The following ULK4 variants were observed in gnomAD, a reference collection of about 807,000 sequenced individuals.
ULK4 encodes the protein inactive serine/threonine-protein kinase ULK4.
A neutral mutation model predicts 160.6 loss-of-function variants in ULK4; 133 were observed. That is an observed-to-expected ratio of 0.83 (90% CI 0.72 to 0.96). The LOEUF is 0.96. Ranked by LOEUF, ULK4 falls within the 40% of genes least tolerant of loss-of-function variation. ULK4 has a pLI of 0.00. For synonymous variants in ULK4, 534 were observed against 539.8 expected, an observed-to-expected ratio of 0.99 and a Z score of 0.15; for missense variants, 1,580 against 1,499.5, an observed-to-expected ratio of 1.05 and a Z score of -0.89.
intron 17 of ULK4, 37 bp downstream of exon 17, chr3:41,883,837 T>C: frequency 6.6e-7 from 1 of 1,522,038 alleles, no homozygotes; most frequent in Non-Finnish European, 9.1e-7. Context: ...ACAGTATTTC[T>C]TGACATTCAT....
intron 17 of ULK4, among the ~76,000 whole-genome samples, chr3:41,850,480 C>A (rs2042182648): frequency 6.6e-6 from 1 of 151,654 alleles, no homozygotes; most frequent in Non-Finnish European, 1.5e-5. Flanking sequence ...CCTGTTGTTT[C>A]CTGACTTTTT....
intron 35 of ULK4, among the ~76,000 whole-genome samples, chr3:41,288,635 A>C (rs981836553): frequency 2.0e-5 from 3 of 152,192 alleles, no homozygotes; most frequent in African/African-American, 7.2e-5. Context: ...TTCTTCTAGG[A>C]AATACAATTT....
intron 17 of ULK4, chr3:41,854,880 T>TAAGATTTGG (rs1167283217): frequency 8.1e-5 from 12 of 148,392 alleles, no homozygotes; most frequent in African/African-American, 2.7e-4. Context: ...CTAGATCAGG[T>TAAGATTTGG]GCTACCTGGA....
intron 34 of ULK4, among the ~76,000 whole-genome samples, chr3:41,431,710 A>G (rs1440715202): frequency 6.6e-6 from 1 of 151,132 alleles, no homozygotes; most frequent in Non-Finnish European, 1.5e-5. Context: ...ACAGCCTCAT[A>G]TCGAATGTCA....
chr3:41,828,122 A>T (rs2041433710), intron 18 of ULK4, among the ~76,000 whole-genome samples: 1 of 146,846 alleles, frequency 6.8e-6, no homozygotes, highest in African/African-American at 2.5e-5. Context: ...AAAACTCTCA[A>T]AAATTAGGTA....
intron 30 of ULK4, among the ~76,000 whole-genome samples, chr3:41,642,783 T>G (rs2034282707): frequency 6.6e-6 from 1 of 152,254 alleles, no homozygotes; most frequent in South Asian, 2.1e-4. Context: ...CCACAATGGT[T>G]GAACTGGTTT....
At chr3:41,346,793 GCT>G (rs2080810116) in intron 35 of ULK4, among the ~76,000 whole-genome samples, 1 of 152,112 alleles carries the variant, frequency 6.6e-6, no homozygotes, top group Non-Finnish European at 1.5e-5. Context: ...CTATCTTTGA[GCT>G]CTCTTTTTCT....
At chr3:41,506,102 A>C (rs1221640367) in intron 32 of ULK4, among the ~76,000 whole-genome samples, 2 of 152,234 alleles carry the variant, frequency 1.3e-5, no homozygotes, top group Non-Finnish European at 2.9e-5. Context: ...TCTTTCACAT[A>C]AACAGTGCTT....
At chr3:41,259,166 T>C (rs1244498738) in intron 35 of ULK4, among the ~76,000 whole-genome samples, 1 of 151,764 alleles carries the variant, frequency 6.6e-6, no homozygotes, top group South Asian at 2.1e-4. Flanking sequence ...AAATACATAA[T>C]TTTATGCAAA....
chr3:41,322,976 T>C (rs2080272407), intron 35 of ULK4, among the ~76,000 whole-genome samples: 1 of 151,986 alleles, frequency 6.6e-6, no homozygotes, highest in African/African-American at 2.4e-5. Context: ...TTGCTTTTGT[T>C]GCCCAGGCTG....
intron 32 of ULK4, among the ~76,000 whole-genome samples, chr3:41,544,203 G>A (rs201099453): frequency 2.7e-5 from 1 of 36,528 alleles, no homozygotes; most frequent in African/African-American, 9.5e-5. Context: ...CTATTTTATT[G>A]TTGTTTGTTC....
At chr3:41,298,173 G>A (rs1253960388) in intron 35 of ULK4, among the ~76,000 whole-genome samples, 1 of 152,228 alleles carries the variant, frequency 6.6e-6, no homozygotes, top group African/African-American at 2.4e-5. Flanking sequence ...TATTTGGCTT[G>A]TAAGTCTAAC....
intron 35 of ULK4, among the ~76,000 whole-genome samples, chr3:41,387,250 C>G (rs1052149418): frequency 6.6e-6 from 1 of 152,104 alleles, no homozygotes; most frequent in African/African-American, 2.4e-5. Flanking sequence ...CAATATCTTT[C>G]TCTAGCTCTA....
At chr3:41,263,742 TGG>T (rs2078984462) in intron 35 of ULK4, among the ~76,000 whole-genome samples, 1 of 152,122 alleles carries the variant, frequency 6.6e-6, no homozygotes, top group African/African-American at 2.4e-5. Context: ...TAGTCAAAGG[TGG>T]GCAGAAAAGC....
chr3:41,485,852 T>C (rs961657373), intron 32 of ULK4, among the ~76,000 whole-genome samples: 4 of 152,228 alleles, frequency 2.6e-5, no homozygotes, highest in African/African-American at 9.6e-5. Context: ...AGGGGACTTC[T>C]AAATGCTCAC....
At chr3:41,891,794 A>G (rs1697977187) in intron 16 of ULK4, among the ~76,000 whole-genome samples, 1 of 152,122 alleles carries the variant, frequency 6.6e-6, no homozygotes. Context: ...AATCCCAGCT[A>G]CTCGGGAGGC....
rs556530879 is a variant in ULK4, at chr3:41,701,715, TAA to T, written c.2781+3340_2781+3341del. On this transcript the variant is annotated intron_variant, in intron 27 of 36. Coordinates refer to ENST00000301831, the MANE Select transcript of ULK4 (RefSeq NM_017886.4). ...GTGATAGTAAAGTCTGGTGGATATT[TAA>T]AAGAGAGAAACAAAACAAGATAGAC... Among the ~76,000 whole-genome samples the T allele has an allele frequency of 9.9e-5, 15 of 152,270 alleles. No homozygotes were observed. In the South Asian group the frequency reaches 3.1e-3, roughly 32 times the overall value.
intron 34 of ULK4, among the ~76,000 whole-genome samples, chr3:41,418,293 T>A (rs188118649): frequency 7.2e-5 from 10 of 139,416 alleles, no homozygotes; most frequent in African/African-American, 2.6e-4. Context: ...CATAGACTAG[T>A]ACTACACGTA....
chr3:41,568,826 T>C (rs114395676), intron 31 of ULK4, among the ~76,000 whole-genome samples: 181 of 152,218 alleles, frequency 1.2e-3, no homozygotes, highest in African/African-American at 4.1e-3. Context: ...TCAGACCCCA[T>C]AGGGCGAGGG....
Sources: gnomAD v4.1 joint callset for allele counts (sites outside exome capture counted in the v4.1 genomes callset) on GRCh38, gnomAD v4.1.1 for gene constraint, MANE v1.5 for transcripts, NCBI Gene and HGNC (gene_info 2026-07-23, HGNC 2026-07-21) for gene names.